UROS: variants seen among roughly 807,000 people sequenced by gnomAD.
UROS encodes the protein uroporphyrinogen III synthase.
Under a neutral mutation model 33.0 loss-of-function variants are expected in UROS, and 18 were observed. The observed-to-expected ratio is 0.55, with a 90% CI of 0.38 to 0.81. UROS has a LOEUF of 0.81. Ranked by LOEUF, UROS falls within the 30% of genes least tolerant of loss-of-function variation. UROS has a pLI of 0.00. For missense variants in UROS, 293 were observed against 314.9 expected (o/e 0.93, Z 0.53); for synonymous variants, 114 against 121.1 (o/e 0.94, Z 0.38).
intron 4 of UROS, 58 bp downstream of exon 4, chr10:125,814,973 CCAG>C (rs1229197131): frequency 6.3e-7 from 1 of 1,575,520 alleles, no homozygotes; most frequent in Non-Finnish European, 8.7e-7. Flanking sequence ...ATTTAGTCTC[CCAG>C]CAGGAGAAAT....
chr10:125,819,593 G>C (rs1853669714), intron 1 of UROS: 2 of 152,260 alleles, frequency 1.3e-5, no homozygotes, highest in African/African-American at 4.8e-5. Flanking sequence ...TCTGCCAGTT[G>C]ATTTCTTAGC....
At chr10:125,803,906 G>A (rs1052033445) in intron 6 of UROS, among the ~76,000 whole-genome samples, 3 of 152,212 alleles carry the variant, frequency 2.0e-5, no homozygotes, top group Non-Finnish European at 4.4e-5. Context: ...TGGAGAGGAG[G>A]CCATGCCTTT....
chr10:125,789,086 C>T (rs751847493), intron 9 of UROS, 81 bp from the exon 10 acceptor site: 130 of 1,557,932 alleles, frequency 8.3e-5, no homozygotes, highest in Non-Finnish European at 1.1e-4. Context: ...GTGCAGGGGC[C>T]GTCAGCCAGC....
chr10:125,808,914 A>T (rs988048388), intron 5 of UROS, among the ~76,000 whole-genome samples: 2 of 152,250 alleles, frequency 1.3e-5, no homozygotes, highest in African/African-American at 4.8e-5. Flanking sequence ...AGTCAGTACA[A>T]CATTTCAACC....
intron 3 of UROS, among the ~76,000 whole-genome samples, chr10:125,815,897 G>C (rs1853276764): frequency 6.6e-6 from 1 of 152,136 alleles, no homozygotes; most frequent in South Asian, 2.1e-4. Flanking sequence ...TGAGTGAAAG[G>C]GTTCTAGGAC....
downstream of UROS, chr10:125,785,033 A>T (rs1325257447): frequency 6.6e-6 from 1 of 152,116 alleles, no homozygotes. Context: ...CTTGATGTTT[A>T]CTCTACCAAT....
intron 6 of UROS, among the ~76,000 whole-genome samples, chr10:125,806,348 C>T (rs1319904117): frequency 2.0e-5 from 3 of 152,288 alleles, no homozygotes; most frequent in Admixed American, 1.3e-4. Context: ...ATCCTGATCT[C>T]ACCACCCAAG....
Position 125,789,127 on chromosome 10 carries a change from G to A in UROS, c.661-122C>T, listed in dbSNP as rs1053609838. The A allele has an allele frequency of 9.0e-6, 13 of 1,447,742 alleles. No homozygotes were observed. The East Asian group carries it at 9.2e-5, about 10-fold the overall frequency. 89.7% of individuals were successfully genotyped at this position (1,447,742 alleles called of 1,614,324 possible). On this transcript the variant is annotated intron_variant, in intron 9 of 9. Coordinates refer to ENST00000368797, the MANE Select transcript of UROS (RefSeq NM_000375.3). ...GGTTGGACGTTACTGCTCATGTGAC[G>A]TGTTTATAAAAATGACAACACTGCC...
At chr10:125,786,056 G>A (rs910035709), downstream of UROS, among the ~76,000 whole-genome samples, 19 of 152,112 alleles carry the variant, frequency 1.2e-4, no homozygotes, top group Admixed American at 5.9e-4. Context: ...CTCACTCACC[G>A]TCCTGGGTGG....
chr10:125,807,343 T>C (rs1852422155), intron 6 of UROS, 70 bp downstream of exon 6: 1 of 1,333,366 alleles, frequency 7.5e-7, no homozygotes, highest in Non-Finnish European at 1.1e-6. Flanking sequence ...AATATTCTTT[T>C]CCCTAGGTAG....
chr10:125,788,777 G>A lies in UROS; in HGVS notation c.*91C>T, dbSNP rs567637832. 2.9e-5 allele frequency: 43 copies of A among 1,488,810 alleles called. No individual in the cohort carries two copies. In the African/African-American group the frequency reaches 3.6e-4, roughly 13 times the overall value. The allele number at this position is 1,488,810 out of a possible 1,614,324, so 92.2% of individuals were successfully genotyped here. The stretch of plus-strand genomic sequence containing the variant: ...GGCTTGAGGCAGGAGTCTGACGGCA[G>A]CAGCTCCCGAGAGCCCTTGCCGATG... On this transcript the variant is annotated 3_prime_UTR_variant, in exon 10 of 10. Transcript: ENST00000368797.
At chr10:125,789,329 A>G in intron 9 of UROS, 1 of 1,282,156 alleles carries the variant, frequency 7.8e-7, no homozygotes, top group African/African-American at 1.5e-5. Context: ...CTCTAGCTGC[A>G]GACAGTTCTT....
chr10:125,802,272 C>G (rs1194511599), intron 6 of UROS: 1 of 985,682 alleles, frequency 1.0e-6, no homozygotes, highest in African/African-American at 1.7e-5. Flanking sequence ...GGGGCTGGGG[C>G]CACATGGCAC....
chr10:125,802,845 G>T, intron 6 of UROS: 1 of 1,506,410 alleles, frequency 6.6e-7, no homozygotes. Flanking sequence ...GTTGAGGTCA[G>T]GAGGTCCCAG....
chr10:125,786,386 T>C (rs1243638153), downstream of UROS, among the ~76,000 whole-genome samples: 3 of 151,586 alleles, frequency 2.0e-5, no homozygotes, highest in African/African-American at 7.3e-5. Context: ...CAAGCAATTC[T>C]CCTGCCTCAG....
chr10:125,802,321 C>T (rs1407959391), intron 6 of UROS: 1 of 985,782 alleles, frequency 1.0e-6, no homozygotes, highest in Non-Finnish European at 1.2e-6. Context: ...AAAGCTGGAA[C>T]AACTGTCTGT....
At chr10:125,798,256 G>T in intron 6 of UROS, 111 bp from the exon 7 acceptor site, 2 of 1,095,864 alleles carry the variant, frequency 1.8e-6, no homozygotes, top group Non-Finnish European at 1.4e-6. Context: ...TCCAGGCCTG[G>T]CTCTGCTTCT....
chr10:125,789,310 C>T, intron 9 of UROS: 1 of 1,327,928 alleles, frequency 7.5e-7, no homozygotes, highest in South Asian at 1.6e-5. Context: ...TGCAGTCCTT[C>T]CTCAGAGGCT....
intron 4 of UROS, among the ~76,000 whole-genome samples, chr10:125,813,947 G>C (rs1235329531): frequency 6.6e-6 from 1 of 152,194 alleles, no homozygotes; most frequent in Non-Finnish European, 1.5e-5. Flanking sequence ...CTCTGCTCCA[G>C]GTAATGTCCT....
Sources: allele counts gnomAD v4.1 joint callset (sites outside exome capture counted in the v4.1 genomes callset), GRCh38; gene constraint gnomAD v4.1.1; transcripts MANE v1.5; gene names NCBI Gene and HGNC (gene_info 2026-07-23, HGNC 2026-07-21).